RBMS3: variants seen among roughly 807,000 people sequenced by gnomAD.
RBMS3 encodes the protein RNA binding motif single stranded interacting protein 3.
Under a neutral mutation model 66.8 loss-of-function variants are expected in RBMS3, and 27 were observed. The ratio of observed to expected loss-of-function variants is 0.40; its 90% CI spans 0.30 to 0.56. RBMS3 has a LOEUF of 0.56. Among genes scored for constraint, RBMS3 ranks in the 20% least tolerant of loss-of-function variants. The pLI is 0.40. For missense variants in RBMS3, 513 were observed against 549.5 expected, an observed-to-expected ratio of 0.93 and a Z score of 0.66; for synonymous variants, 188 against 183.0, an observed-to-expected ratio of 1.03 and a Z score of -0.22.
At chr3:29,523,283 A>C (rs1352410374) in intron 3 of RBMS3, among the ~76,000 whole-genome samples, 1 of 152,188 alleles carries the variant, frequency 6.6e-6, no homozygotes, top group Non-Finnish European at 1.5e-5. Flanking sequence ...GTGCTCATTA[A>C]ATACTTGTTT....
intron 6 of RBMS3, among the ~76,000 whole-genome samples, chr3:29,783,014 C>G (rs1335338601): frequency 1.3e-5 from 2 of 152,040 alleles, no homozygotes; most frequent in Non-Finnish European, 2.9e-5. Flanking sequence ...AAGAACAAAG[C>G]CTTTCAGAAG....
chr3:29,826,523 G>C (rs551773516), intron 6 of RBMS3, among the ~76,000 whole-genome samples: 2 of 151,988 alleles, frequency 1.3e-5, no homozygotes, highest in Admixed American at 6.6e-5. Context: ...GTCTTCTATT[G>C]GTGTAACAAA....
chr3:29,821,241 G>A (rs916772328), intron 6 of RBMS3, among the ~76,000 whole-genome samples: 2 of 152,046 alleles, frequency 1.3e-5, no homozygotes, highest in East Asian at 3.8e-4. Flanking sequence ...CTTGGGTTAT[G>A]AAGTTTCTTG....
At chr3:29,629,544 T>C (rs990953273) in intron 4 of RBMS3, among the ~76,000 whole-genome samples, 3 of 152,140 alleles carry the variant, frequency 2.0e-5, no homozygotes, top group Non-Finnish European at 2.9e-5. Flanking sequence ...GTCTTAACAA[T>C]GAATTGGTTA....
intron 4 of RBMS3, among the ~76,000 whole-genome samples, chr3:29,698,872 A>G (rs2052402080): frequency 6.6e-6 from 1 of 152,220 alleles, no homozygotes; most frequent in Non-Finnish European, 1.5e-5. Context: ...TAAAATATTT[A>G]TCACCATTTA....
chr3:29,299,970 C>T (rs369244313), intron 1 of RBMS3, among the ~76,000 whole-genome samples: 28 of 151,358 alleles, frequency 1.8e-4, no homozygotes, highest in African/African-American at 6.5e-4. Context: ...TTTGCTTGTA[C>T]GACTCAATAG....
intron 1 of RBMS3, among the ~76,000 whole-genome samples, chr3:29,340,047 C>G (rs1390315472): frequency 6.6e-6 from 1 of 152,102 alleles, no homozygotes; most frequent in East Asian, 1.9e-4. Flanking sequence ...GAGGACAGGT[C>G]TCTACTGATA....
Position 29,382,723 on chromosome 3 carries a change from GTATTT to G in RBMS3, c.76-52013_76-52009del, listed in dbSNP as rs576563292. Among the ~76,000 whole-genome samples the G allele has an allele frequency of 3.0e-3, 461 of 152,228 alleles. 5 individuals are homozygous for G. The highest frequency in any genetic ancestry group is 0.01 in the African/African-American group (423 of 41,544). Reference sequence around the variant, plus strand: ...CAGACTCTAAATATGTGGCAATTCAGTATTTTATTTTTCGTTTATATCCCCTTTCT... The same window carrying G: ...CAGACTCTAAATATGTGGCAATTCAGTATTTTTCGTTTATATCCCCTTTCT... On this transcript the variant is annotated intron_variant, in intron 1 of 14. Coordinates refer to ENST00000383767, the MANE Select transcript of RBMS3 (RefSeq NM_001003793.3).
intron 4 of RBMS3, among the ~76,000 whole-genome samples, chr3:29,723,183 G>C (rs1318788688): frequency 6.6e-6 from 1 of 151,826 alleles, no homozygotes; most frequent in East Asian, 1.9e-4. Flanking sequence ...CACCATGTTG[G>C]CTAGGCTGGT....
At chr3:29,718,947 A>C (rs922249606) in intron 4 of RBMS3, among the ~76,000 whole-genome samples, 5 of 152,220 alleles carry the variant, frequency 3.3e-5, no homozygotes, top group Admixed American at 3.3e-4. Flanking sequence ...TGGGCTAGCT[A>C]ATCATTTAAG....
intron 4 of RBMS3, among the ~76,000 whole-genome samples, chr3:29,638,315 C>T (rs765409387): frequency 6.6e-6 from 1 of 151,432 alleles, no homozygotes; most frequent in Non-Finnish European, 1.5e-5. Flanking sequence ...GGAATAAGAA[C>T]ATGTATTGAA....
chr3:29,358,358 A>G (rs1416566414), intron 1 of RBMS3, among the ~76,000 whole-genome samples: 4 of 152,078 alleles, frequency 2.6e-5, no homozygotes, highest in Non-Finnish European at 5.9e-5. Context: ...ATAGTTGTAG[A>G]TGTGTGGTAT....
intron 1 of RBMS3, among the ~76,000 whole-genome samples, chr3:29,333,871 T>C (rs758371166): frequency 6.6e-6 from 1 of 152,218 alleles, no homozygotes; most frequent in East Asian, 1.9e-4. Context: ...TATTTGTTTA[T>C]GCAAAGAAAT....
intron 1 of RBMS3, among the ~76,000 whole-genome samples, chr3:29,389,122 A>T (rs1002895933): frequency 6.6e-6 from 1 of 152,198 alleles, no homozygotes; most frequent in African/African-American, 2.4e-5. Flanking sequence ...CCTCTAGACA[A>T]GCAAAAAATA....
chr3:29,853,751 C>G (rs1338201890), intron 6 of RBMS3, among the ~76,000 whole-genome samples: 1 of 152,126 alleles, frequency 6.6e-6, no homozygotes, highest in East Asian at 1.9e-4. Context: ...CCTAGGAAAT[C>G]CAGCTAGTCC....
chr3:29,961,244 G>T (rs1344398336), intron 12 of RBMS3, among the ~76,000 whole-genome samples: 1 of 152,148 alleles, frequency 6.6e-6, no homozygotes, highest in African/African-American at 2.4e-5. Flanking sequence ...AGTCACCTTT[G>T]TTCTAGTTCC....
intron 4 of RBMS3, among the ~76,000 whole-genome samples, chr3:29,631,077 G>T (rs973455507): frequency 2.0e-5 from 3 of 151,650 alleles, no homozygotes; most frequent in African/African-American, 7.3e-5. Context: ...TATTTTAAGA[G>T]GTATTTAGTT....
At chr3:29,732,094 C>G (rs993481935) in intron 4 of RBMS3, among the ~76,000 whole-genome samples, 7 of 152,070 alleles carry the variant, frequency 4.6e-5, no homozygotes, top group Non-Finnish European at 1.0e-4. Flanking sequence ...CCCCTCCCCT[C>G]TTTATTGTAT....
At chr3:29,701,373 G>A (rs1336082620) in intron 4 of RBMS3, among the ~76,000 whole-genome samples, 1 of 152,220 alleles carries the variant, frequency 6.6e-6, no homozygotes, top group Non-Finnish European at 1.5e-5. Context: ...ACTCACTGCA[G>A]TCTAGAGAAT....
Sources: gnomAD v4.1 joint callset for allele counts (sites outside exome capture counted in the v4.1 genomes callset) on GRCh38, gnomAD v4.1.1 for gene constraint, MANE v1.5 for transcripts, NCBI Gene and HGNC (gene_info 2026-07-23, HGNC 2026-07-21) for gene names.